The following FGGY variants were observed in gnomAD, a reference collection of about 807,000 sequenced individuals.
FGGY encodes FGGY carbohydrate kinase domain-containing protein.
Under a neutral mutation model 71.3 loss-of-function variants are expected in FGGY, and 72 were observed. The ratio of observed to expected loss-of-function variants is 1.01; its 90% CI spans 0.84 to 1.23. The LOEUF is 1.23. Among genes scored for constraint, FGGY ranks in the 50% most tolerant of loss-of-function variants. The pLI is 0.00. For synonymous variants in FGGY, 251 were observed against 250.3 expected (o/e 1.00, Z -0.02); for missense variants, 668 against 682.3 (o/e 0.98, Z 0.23).
intron 5 of FGGY, among the ~76,000 whole-genome samples, chr1:59,435,734 G>T (rs112136494): frequency 6.9e-6 from 1 of 144,128 alleles, no homozygotes; most frequent in South Asian, 2.3e-4. Flanking sequence ...CCTTCCTCAC[G>T]TGTGTGCCTG....
At chr1:59,317,733 A>T (rs974879439) in intron 1 of FGGY, among the ~76,000 whole-genome samples, 9 of 152,354 alleles carry the variant, frequency 5.9e-5, no homozygotes, top group South Asian at 2.1e-4. Flanking sequence ...AATCACAGAG[A>T]TCAGTTAAAA....
At chr1:59,572,386 G>T (rs1050200085) in intron 8 of FGGY, among the ~76,000 whole-genome samples, 10 of 152,142 alleles carry the variant, frequency 6.6e-5, no homozygotes, top group Non-Finnish European at 1.5e-4. Flanking sequence ...CAAGAGAGAA[G>T]AATGCTACAA....
intron 14 of FGGY, chr1:59,680,851 A>G (rs1246915661): frequency 1.3e-5 from 2 of 152,202 alleles, no homozygotes; most frequent in Non-Finnish European, 2.9e-5. Context: ...CCATCAGACC[A>G]TATCCTGTAG....
At chr1:59,586,457 T>C (rs2096289009) in intron 8 of FGGY, among the ~76,000 whole-genome samples, 1 of 151,018 alleles carries the variant, frequency 6.6e-6, no homozygotes, top group Non-Finnish European at 1.5e-5. Flanking sequence ...AATTGAACAA[T>C]GAGAACACAT....
At chr1:59,358,870 A>AT (rs1418359062) in intron 4 of FGGY, among the ~76,000 whole-genome samples, 27 of 152,222 alleles carry the variant, frequency 1.8e-4, no homozygotes, top group Admixed American at 1.5e-3. Context: ...TCTTATGAAA[A>AT]TCCTGTGAGG....
rs377557261 is a variant in FGGY, at chr1:59,362,017, G to A, written c.465+15619G>A. 2.0e-3 allele frequency among the ~76,000 whole-genome samples: 303 copies of A among 152,248 alleles called. 2 individuals are homozygous for A. The highest frequency in any genetic ancestry group is 6.2e-3 in the African/African-American group (259 of 41,536). Reference sequence around the variant, plus strand: ...ACAGGAAAGACAGTGTGCAGACCGCGAACACGGCTGATTTCTGCCCTCCCT... The same window carrying A: ...ACAGGAAAGACAGTGTGCAGACCGCAAACACGGCTGATTTCTGCCCTCCCT... On this transcript the variant is annotated intron_variant, in intron 4 of 15. Transcript: ENST00000303721.
intron 5 of FGGY, among the ~76,000 whole-genome samples, chr1:59,453,389 C>T (rs1409193834): frequency 6.6e-6 from 1 of 152,184 alleles, no homozygotes; most frequent in Non-Finnish European, 1.5e-5. Context: ...CTTAGTTATG[C>T]TGTGAAGTGT....
intron 4 of FGGY, among the ~76,000 whole-genome samples, chr1:59,369,830 C>G (rs1038814807): frequency 1.3e-5 from 2 of 152,218 alleles, no homozygotes; most frequent in Non-Finnish European, 2.9e-5. Flanking sequence ...CTAGCAAACT[C>G]CAACAGACCT....
At chr1:59,304,661 A>G (rs1557485200) in intron 1 of FGGY, among the ~76,000 whole-genome samples, 1 of 151,834 alleles carries the variant, frequency 6.6e-6, no homozygotes, top group African/African-American at 2.4e-5. Flanking sequence ...TTTGAGTAGT[A>G]TGGTTATTTT....
chr1:59,687,334 G>A lies in FGGY; in HGVS notation c.1512+13201G>A, dbSNP rs138784306. 3.3e-5 allele frequency among the ~76,000 whole-genome samples: 5 copies of A among 152,262 alleles called. No individual in the cohort carries two copies. In the South Asian group the frequency reaches 6.2e-4, roughly 19 times the overall value. ...TTCTATACTGACATTCCCTGTTCCT[G>A]GCTCTAGTCACACCACTGCCTCCTG... On this transcript the variant is annotated intron_variant, in intron 14 of 15. Coordinates refer to ENST00000303721, the MANE Select transcript of FGGY (RefSeq NM_018291.5).
At chr1:59,753,641 A>G (rs189414949) in intron 14 of FGGY, among the ~76,000 whole-genome samples, 6 of 151,222 alleles carry the variant, frequency 4.0e-5, no homozygotes, top group Non-Finnish European at 3.0e-5. Flanking sequence ...TTAACATTTT[A>G]ATATATATTG....
chr1:59,329,279 C>T (rs951622416), intron 2 of FGGY, among the ~76,000 whole-genome samples: 2 of 151,900 alleles, frequency 1.3e-5, no homozygotes, highest in East Asian at 1.9e-4. Context: ...TGTGCTGTAC[C>T]GTAGTCTATT....
At chr1:59,727,888 A>T (rs2100827536) in intron 14 of FGGY, among the ~76,000 whole-genome samples, 1 of 152,256 alleles carries the variant, frequency 6.6e-6, no homozygotes, top group African/African-American at 2.4e-5. Flanking sequence ...TATTTTGATT[A>T]GTGTTAGCAT....
chr1:59,596,594 A>G (rs2096527340), intron 8 of FGGY, among the ~76,000 whole-genome samples: 1 of 152,168 alleles, frequency 6.6e-6, no homozygotes, highest in South Asian at 2.1e-4. Context: ...TTCCTTTTCC[A>G]TTAAAACTGG....
At chr1:59,425,243 A>G (rs1338810762) in intron 5 of FGGY, among the ~76,000 whole-genome samples, 1 of 152,224 alleles carries the variant, frequency 6.6e-6, no homozygotes, top group Non-Finnish European at 1.5e-5. Flanking sequence ...TATTTGGATG[A>G]CGTAGTAACA....
chr1:59,492,133 T>G (rs1210513362), intron 6 of FGGY, among the ~76,000 whole-genome samples: 1 of 152,202 alleles, frequency 6.6e-6, no homozygotes, highest in Non-Finnish European at 1.5e-5. Context: ...CATTTATTTA[T>G]GTACTTATTG....
intron 14 of FGGY, among the ~76,000 whole-genome samples, chr1:59,707,869 A>G (rs2097767608): frequency 6.6e-6 from 1 of 152,182 alleles, no homozygotes; most frequent in Non-Finnish European, 1.5e-5. Context: ...CTCTGTTTTG[A>G]AGGGACCCAG....
intron 14 of FGGY, among the ~76,000 whole-genome samples, chr1:59,723,615 AT>A (rs1250899897): frequency 2.0e-5 from 3 of 151,566 alleles, no homozygotes; most frequent in Non-Finnish European, 4.4e-5. Context: ...GACTCTACTA[AT>A]TTCTGAAGTT....
chr1:59,388,351 A>C (rs943750411), intron 5 of FGGY, among the ~76,000 whole-genome samples: 2 of 152,172 alleles, frequency 1.3e-5, no homozygotes, highest in South Asian at 4.1e-4. Flanking sequence ...GGCTTAATCT[A>C]TTCCAGTCTC....
Sources: gnomAD v4.1 joint callset for allele counts (sites outside exome capture counted in the v4.1 genomes callset) on GRCh38, gnomAD v4.1.1 for gene constraint, MANE v1.5 for transcripts, NCBI Gene and HGNC (gene_info 2026-07-23, HGNC 2026-07-21) for gene names.